RASSF3: variants seen among roughly 807,000 people sequenced by gnomAD.
RASSF3 encodes the protein ras association domain-containing protein 3.
Under a neutral mutation model 19.9 loss-of-function variants are expected in RASSF3, and 19 were observed. The observed-to-expected ratio is 0.96, with a 90% confidence interval of 0.67 to 1.40. RASSF3 has a LOEUF of 1.40. Among genes scored for constraint, RASSF3 ranks in the 40% most tolerant of loss-of-function variants. The probability of loss-of-function intolerance (pLI) is 0.00; values close to 1 mark genes in which losing one functional copy is unlikely to be tolerated. For missense variants in RASSF3, 306 were observed against 289.8 expected (o/e 1.06, Z -0.41); for synonymous variants, 110 against 104.2 (o/e 1.06, Z -0.34).
At chr12:64,588,765 A>C (rs1388384884) in intron 2 of RASSF3, among the ~76,000 whole-genome samples, 1 of 152,106 alleles carries the variant, frequency 6.6e-6, no homozygotes, top group African/African-American at 2.4e-5. Context: ...CTACTTTCTG[A>C]CTTAATATTA....
At chr12:64,609,099 G>T (rs1458534084), upstream of RASSF3, among the ~76,000 whole-genome samples, 1 of 152,150 alleles carries the variant, frequency 6.6e-6, no homozygotes, top group Non-Finnish European at 1.5e-5. Flanking sequence ...AGGGACAGTA[G>T]GATGACTCAT....
chr12:64,547,693 A>T (rs1869092049), intron 2 of RASSF3, among the ~76,000 whole-genome samples: 1 of 152,254 alleles, frequency 6.6e-6, no homozygotes, highest in Non-Finnish European at 1.5e-5. Flanking sequence ...GAAAGCTGGT[A>T]TTCAGTTTCT....
downstream of RASSF3, among the ~76,000 whole-genome samples, chr12:64,546,567 G>A (rs1452685992): frequency 6.6e-6 from 1 of 152,226 alleles, no homozygotes; most frequent in Non-Finnish European, 1.5e-5. Flanking sequence ...ACTGCACCTG[G>A]CCAATACATT....
intron 2 of RASSF3, among the ~76,000 whole-genome samples, chr12:64,565,920 G>T (rs901144097): frequency 3.4e-5 from 5 of 148,776 alleles, no homozygotes; most frequent in Non-Finnish European, 5.9e-5. Context: ...GAGTCTTGCA[G>T]CCGGGCGTGG....
intron 2 of RASSF3, among the ~76,000 whole-genome samples, chr12:64,686,157 A>G (rs1873342923): frequency 6.6e-6 from 1 of 151,670 alleles, no homozygotes; most frequent in East Asian, 1.9e-4. Flanking sequence ...ACATTTTTTC[A>G]TCAAAGGAGA....
chr12:64,566,692 A>G (rs187150491), intron 2 of RASSF3, among the ~76,000 whole-genome samples: 5 of 152,314 alleles, frequency 3.3e-5, no homozygotes, highest in African/African-American at 1.2e-4. Flanking sequence ...GGGAATTTTC[A>G]TAGCTAGAGA....
chr12:64,581,999 G>T (rs1399565968), intron 2 of RASSF3, among the ~76,000 whole-genome samples: 1 of 151,946 alleles, frequency 6.6e-6, no homozygotes, highest in African/African-American at 2.4e-5. Flanking sequence ...CTCCTGAGTA[G>T]CTGGGACTAC....
At chr12:64,571,957 G>A (rs536544837) in intron 2 of RASSF3, among the ~76,000 whole-genome samples, 30 of 152,254 alleles carry the variant, frequency 2.0e-4, no homozygotes, top group African/African-American at 7.2e-4. Context: ...GATAGCTGGA[G>A]GACAAAGGGC....
chr12:64,674,423 TG>T (rs987334950), intron 1 of RASSF3, among the ~76,000 whole-genome samples: 7 of 151,988 alleles, frequency 4.6e-5, no homozygotes, highest in African/African-American at 1.5e-4. Context: ...GAGTGAAAGA[TG>T]TAAAAAAGCA....
chr12:64,600,298 C>A (rs578187131), intron 2 of RASSF3, among the ~76,000 whole-genome samples: 2 of 151,350 alleles, frequency 1.3e-5, no homozygotes, highest in Non-Finnish European at 2.9e-5. Context: ...AAAACACACA[C>A]AAACACACAC....
chr12:64,513,447 T>G (rs1396063764), intron 1 of RASSF3, among the ~76,000 whole-genome samples: 1 of 111,438 alleles, frequency 9.0e-6, no homozygotes. Flanking sequence ...CAGAACTCCA[T>G]CTCAGAAAAA....
chr12:64,671,380 T>C (rs1470378632), intron 1 of RASSF3, among the ~76,000 whole-genome samples: 1 of 152,200 alleles, frequency 6.6e-6, no homozygotes, highest in African/African-American at 2.4e-5. Flanking sequence ...TCTGCCTCCC[T>C]GGCCTCGCCT....
chr12:64,570,161 GC>G (rs1869495966), intron 2 of RASSF3, among the ~76,000 whole-genome samples: 1 of 152,132 alleles, frequency 6.6e-6, no homozygotes, highest in Admixed American at 6.6e-5. Context: ...AAGTTCACAA[GC>G]TTTAGAGCAT....
Position 64,538,814 on chromosome 12 carries a change from C to T in RASSF3, c.68-2767C>T, listed in dbSNP as rs528533461. On this transcript the variant is annotated intron_variant, in intron 1 of 1. Coordinates refer to the RASSF3 transcript ENST00000636333. ...ATCCTAGCACTTTGGGAGGCTGAGA[C>T]GGGAGGATCACTTGAAGTCAGGAGT... Among the ~76,000 whole-genome samples the T allele has an allele frequency of 3.2e-4, 48 of 152,150 alleles. 2 individuals are homozygous for T. The South Asian group carries it at 9.1e-3, about 29-fold the overall frequency.
chr12:64,602,485 A>T (rs1870109899), intron 2 of RASSF3, among the ~76,000 whole-genome samples: 1 of 151,380 alleles, frequency 6.6e-6, no homozygotes, highest in Admixed American at 6.6e-5. Context: ...GGAGGCTGAG[A>T]CAGGGGAATT....
intron 1 of RASSF3, among the ~76,000 whole-genome samples, chr12:64,518,491 G>A (rs939485846): frequency 8.5e-5 from 13 of 152,206 alleles, no homozygotes; most frequent in African/African-American, 2.9e-4. Flanking sequence ...TAAACAACCA[G>A]ATCTCACATG....
chr12:64,655,764 C>T (rs879908044), intron 1 of RASSF3, among the ~76,000 whole-genome samples: 12 of 152,068 alleles, frequency 7.9e-5, no homozygotes, highest in Non-Finnish European at 1.5e-4. Flanking sequence ...CAGTAGCTCA[C>T]GCCTGTAATT....
At chr12:64,563,042 A>C (rs1048988916) in intron 2 of RASSF3, among the ~76,000 whole-genome samples, 8 of 152,206 alleles carry the variant, frequency 5.3e-5, no homozygotes, top group African/African-American at 1.9e-4. Flanking sequence ...CAGCTACTGC[A>C]TGTCAAAGCC....
At chr12:64,637,210 GA>G (rs1871354667) in intron 1 of RASSF3, among the ~76,000 whole-genome samples, 1 of 152,190 alleles carries the variant, frequency 6.6e-6, no homozygotes, top group South Asian at 2.1e-4. Flanking sequence ...GGGCTGAATA[GA>G]AAAGGGCATA....
Sources: allele counts gnomAD v4.1 joint callset (sites outside exome capture counted in the v4.1 genomes callset), GRCh38; gene constraint gnomAD v4.1.1; transcripts MANE v1.5; gene names NCBI Gene and HGNC (gene_info 2026-07-23, HGNC 2026-07-21).